GNG7: variants seen among roughly 807,000 people sequenced by gnomAD.
GNG7 encodes G protein subunit gamma 7, also known as guanine nucleotide-binding protein G(I)/G(S)/G(O) subunit gamma-7.
Under a neutral mutation model 4.0 loss-of-function variants are expected in GNG7, and 1 was observed. The ratio of observed to expected loss-of-function variants is 0.25; its 90% confidence interval spans 0.09 to 1.18. The LOEUF is 1.18. Ranked by LOEUF, GNG7 falls within the 50% of genes most tolerant of loss-of-function variation. GNG7 has a pLI of 0.50. For missense variants in GNG7, 86 were observed against 91.9 expected (o/e 0.94, Z 0.26); for synonymous variants, 34 against 36.9 (o/e 0.92, Z 0.29).
intron 2 of GNG7, among the ~76,000 whole-genome samples, chr19:2,563,101 C>T (rs767568060): frequency 1.9e-4 from 29 of 152,048 alleles, no homozygotes; most frequent in Admixed American, 1.2e-3. Flanking sequence ...CCCACCACCA[C>T]GCCCAGCTAA....
intron 1 of GNG7, among the ~76,000 whole-genome samples, chr19:2,696,344 AAGAAAAG>A (rs1355726808): frequency 6.9e-6 from 1 of 145,346 alleles, no homozygotes; most frequent in African/African-American, 2.7e-5. Context: ...GAAAGAAAGA[AAGAAAAG>A]AAAGAAAAGA....
chr19:2,529,509 C>T (rs151294860), intron 3 of GNG7, among the ~76,000 whole-genome samples: 18 of 152,354 alleles, frequency 1.2e-4, no homozygotes, highest in African/African-American at 2.4e-4. Context: ...TGAGCCACCA[C>T]GCCCGGCCCA....
At chr19:2,695,296 C>G (rs73920493) in intron 1 of GNG7, among the ~76,000 whole-genome samples, 36 of 151,542 alleles carry the variant, frequency 2.4e-4, no homozygotes, top group Admixed American at 1.2e-3. Context: ...CCCCCCTGGA[C>G]GACTTCTTAT....
rs543460124 is a variant in GNG7 at position 2,699,231 on chromosome 19, C to A, written c.-135+3415G>T. 2.0e-5 allele frequency among the ~76,000 whole-genome samples: 3 copies of A among 151,634 alleles called. No homozygotes were observed. In the South Asian group the frequency reaches 6.3e-4, roughly 32 times the overall value. ...TGGTGCAATCTCAGCTCACTGCAAC[C>A]TCTGCCTCCTGGGTTCAGGTGATTC... is the stretch of plus-strand genomic sequence containing the variant. On this transcript the variant is annotated intron_variant, in intron 1 of 4. Coordinates refer to ENST00000382159, the MANE Select transcript of GNG7 (RefSeq NM_052847.3).
At chr19:2,584,580 G>C (rs2144794055) in intron 2 of GNG7, among the ~76,000 whole-genome samples, 1 of 146,936 alleles carries the variant, frequency 6.8e-6, no homozygotes, top group East Asian at 2.0e-4. Context: ...CTGGGCGACA[G>C]GGCAGACCCT....
chr19:2,661,338 A>AAG (rs1983169791), intron 1 of GNG7, among the ~76,000 whole-genome samples: 1 of 146,914 alleles, frequency 6.8e-6, no homozygotes. Flanking sequence ...GAAAGAAAGA[A>AAG]AGAAAGAAAG....
At chr19:2,554,581 G>A (rs1036945893) in intron 3 of GNG7, among the ~76,000 whole-genome samples, 6 of 145,216 alleles carry the variant, frequency 4.1e-5, no homozygotes, top group Non-Finnish European at 9.0e-5. Flanking sequence ...TTGAGACAGA[G>A]TCTCACTCTG....
intron 2 of GNG7, among the ~76,000 whole-genome samples, chr19:2,624,528 C>CAAAAAAAAAAAAAAA (rs921061279): frequency 1.6e-5 from 1 of 62,448 alleles, no homozygotes; most frequent in Non-Finnish European, 3.5e-5. Context: ...GACTCCGTCT[C>CAAAAAAAAAAAAAAA]AAAAAAAAAA....
intron 4 of GNG7, among the ~76,000 whole-genome samples, chr19:2,518,653 A>G (rs1002937553): frequency 3.9e-5 from 6 of 152,068 alleles, no homozygotes; most frequent in Admixed American, 2.6e-4. Flanking sequence ...ACCCCTTCCT[A>G]ATAAATTCCC....
chr19:2,636,343 C>T (rs1489154614), intron 2 of GNG7, among the ~76,000 whole-genome samples: 1 of 152,140 alleles, frequency 6.6e-6, no homozygotes, highest in African/African-American at 2.4e-5. Flanking sequence ...TGACCCCTCT[C>T]TGAGCTGGGG....
intron 3 of GNG7, among the ~76,000 whole-genome samples, chr19:2,524,857 G>A (rs889729864): frequency 3.3e-5 from 5 of 152,180 alleles, no homozygotes. Context: ...TAGGTGCGTG[G>A]ATATGTGCGT....
chr19:2,543,561 C>G (rs1176870589), intron 3 of GNG7, among the ~76,000 whole-genome samples: 1 of 152,036 alleles, frequency 6.6e-6, no homozygotes, highest in African/African-American at 2.4e-5. Context: ...GATGAGGGTG[C>G]AGCATTAAAA....
rs79515033 is a variant in GNG7 at position 2,515,467 on chromosome 19, G to A, written c.82-320C>T. ...TTTTGAGACAGAGACTCTATTTGTC[G>A]CCCAGGCTCTAGTGCAGTGGCACGA... On this transcript the variant is annotated intron_variant, in intron 4 of 4. Coordinates refer to ENST00000382159, the MANE Select transcript of GNG7 (RefSeq NM_052847.3). Among the ~76,000 whole-genome samples the A allele has an allele frequency of 2.7e-3, 405 of 151,066 alleles. 3 individuals carry two copies. The highest frequency in any genetic ancestry group is 8.7e-3 in the African/African-American group (358 of 41,048).
At chr19:2,619,782 C>G (rs1428563614) in intron 2 of GNG7, among the ~76,000 whole-genome samples, 1 of 151,882 alleles carries the variant, frequency 6.6e-6, no homozygotes, top group Non-Finnish European at 1.5e-5. Flanking sequence ...TGGGGAGTGA[C>G]TGCTCATGGG....
chr19:2,624,970 G>A (rs1212186430), intron 2 of GNG7, among the ~76,000 whole-genome samples: 3 of 152,244 alleles, frequency 2.0e-5, no homozygotes, highest in African/African-American at 7.2e-5. Context: ...CCTTGTGGGT[G>A]CAGAGCCGGA....
intron 1 of GNG7, among the ~76,000 whole-genome samples, chr19:2,682,160 T>C (rs1397790258): frequency 2.0e-5 from 3 of 150,374 alleles, no homozygotes; most frequent in Non-Finnish European, 4.4e-5. Flanking sequence ...CCACCCACCT[T>C]GGCCTCCCAA....
chr19:2,700,560 C>A (rs1165798938), intron 1 of GNG7: 1 of 152,200 alleles, frequency 6.6e-6, no homozygotes, highest in Non-Finnish European at 1.5e-5. Flanking sequence ...CCCAGTCATC[C>A]CACTCCTCCA....
intron 1 of GNG7, among the ~76,000 whole-genome samples, chr19:2,661,302 G>GAAAGAAAGAAAGAAAGAGAAAGAAAGAA: frequency 1.4e-5 from 1 of 73,120 alleles, no homozygotes. Flanking sequence ...AAGAAAGAAA[G>GAAAGAAAGAAAGAAAGAGAAAGAAAGAA]AGAAAGAAAG....
intron 2 of GNG7, among the ~76,000 whole-genome samples, chr19:2,615,687 T>C (rs1981705815): frequency 6.6e-6 from 1 of 151,946 alleles, no homozygotes; most frequent in Non-Finnish European, 1.5e-5. Context: ...ATGGTCTCGA[T>C]GTCCTGACCT....
Sources: allele counts gnomAD v4.1 joint callset (sites outside exome capture counted in the v4.1 genomes callset), GRCh38; gene constraint gnomAD v4.1.1; transcripts MANE v1.5; gene names NCBI Gene and HGNC (gene_info 2026-07-23, HGNC 2026-07-21).